Variants in C16orf74 observed in about 807,000 individuals in gnomAD.
C16orf74 encodes the protein calcimembrin.
In C16orf74, 10 loss-of-function variants were observed where a neutral mutation model predicts 6.5. That is an observed-to-expected ratio of 1.54 (90% CI 0.95 to 2.61). The LOEUF is 2.61. Ranked by LOEUF, C16orf74 falls within the 30% of genes most tolerant of loss-of-function variation. The probability of loss-of-function intolerance (pLI) is 0.00; values close to 1 mark genes in which losing one functional copy is unlikely to be tolerated. For missense variants in C16orf74, 141 were observed against 105.9 expected, an observed-to-expected ratio of 1.33 and a Z score of -1.45; for synonymous variants, 60 against 42.5, an observed-to-expected ratio of 1.41 and a Z score of -1.60.
At chr16:85,744,725 G>C (rs1276551037) in intron 1 of C16orf74, among the ~76,000 whole-genome samples, 1 of 151,380 alleles carries the variant, frequency 6.6e-6, no homozygotes, top group Non-Finnish European at 1.5e-5. Context: ...AGCTACTTGG[G>C]AGGCTGAGGC....
chr16:85,724,192 C>T (rs553497851), intron 2 of C16orf74, among the ~76,000 whole-genome samples: 9 of 152,234 alleles, frequency 5.9e-5, no homozygotes, highest in East Asian at 3.9e-4. Context: ...GCACCTGGCC[C>T]GCTCTGACTT....
At chr16:85,718,249 C>CT (rs1262872347) in intron 2 of C16orf74, among the ~76,000 whole-genome samples, 3 of 151,956 alleles carry the variant, frequency 2.0e-5, no homozygotes, top group Non-Finnish European at 4.4e-5. Context: ...AAGTTTTAAA[C>CT]TTTTTTGTAG....
At position 85,731,521 on chromosome 16, in the gene C16orf74, G is replaced by C. The variant is rs553373483; in HGVS notation, c.28+3669C>G. ...TAGAGCAGAGGGGCAGAGGGCCTGG[G>C]TCCTGGCGGGTCCCTCCTCCTGGTG... On this transcript the variant is annotated intron_variant, in intron 2 of 3. Coordinates refer to ENST00000284245, the MANE Select transcript of C16orf74 (RefSeq NM_206967.3). Among the ~76,000 whole-genome samples, 9 of 152,296 alleles carry C rather than the reference G, an allele frequency of 5.9e-5. No homozygotes were observed. The South Asian group carries it at 1.5e-3, about 25-fold the overall frequency.
At chr16:85,731,877 G>T (rs182500803) in intron 2 of C16orf74, among the ~76,000 whole-genome samples, 2 of 152,280 alleles carry the variant, frequency 1.3e-5, no homozygotes, top group African/African-American at 4.8e-5. Context: ...TTTTTGTAGG[G>T]ATGGGGTTTT....
chr16:85,719,335 C>T (rs1313097784), intron 2 of C16orf74, among the ~76,000 whole-genome samples: 1 of 152,132 alleles, frequency 6.6e-6, no homozygotes, highest in Non-Finnish European at 1.5e-5. Context: ...GAATCAGGTC[C>T]CCAAGATTTC....
chr16:85,742,821 G>A (rs149522379), intron 1 of C16orf74, among the ~76,000 whole-genome samples: 132 of 152,286 alleles, frequency 8.7e-4, no homozygotes, highest in African/African-American at 2.9e-3. Flanking sequence ...GATTACAGGC[G>A]TGAGCCACGG....
intron 2 of C16orf74, among the ~76,000 whole-genome samples, chr16:85,724,267 C>T (rs932992496): frequency 6.6e-6 from 1 of 152,226 alleles, no homozygotes; most frequent in East Asian, 1.9e-4. Context: ...AGCACCTCCC[C>T]ATCCCTCTGT....
chr16:85,738,167 C>A (rs1304918492), intron 1 of C16orf74, among the ~76,000 whole-genome samples: 2 of 151,652 alleles, frequency 1.3e-5, no homozygotes. Flanking sequence ...ATCACTTGAG[C>A]CCAGGAGGTT....
At chr16:85,734,669 T>C (rs766415299) in intron 2 of C16orf74, among the ~76,000 whole-genome samples, 2 of 152,180 alleles carry the variant, frequency 1.3e-5, no homozygotes, top group Admixed American at 6.5e-5. Context: ...TCCTGCAACA[T>C]TGGTCTGAGG....
intron 2 of C16orf74, among the ~76,000 whole-genome samples, chr16:85,731,446 C>G (rs1405888523): frequency 1.3e-5 from 2 of 152,130 alleles, no homozygotes; most frequent in African/African-American, 4.8e-5. Context: ...ACAGGAGGGT[C>G]ACCTGGAAAC....
At chr16:85,725,710 C>G (rs2054125977) in intron 2 of C16orf74, among the ~76,000 whole-genome samples, 1 of 152,140 alleles carries the variant, frequency 6.6e-6, no homozygotes, top group African/African-American at 2.4e-5. Flanking sequence ...CTCAAGCAAT[C>G]CTCACACCTC....
At chr16:85,716,873 C>G (rs1214690882) in intron 2 of C16orf74, among the ~76,000 whole-genome samples, 2 of 152,164 alleles carry the variant, frequency 1.3e-5, no homozygotes, top group African/African-American at 2.4e-5. Context: ...CTGCCCCAGA[C>G]AAGGAGCTCA....
chr16:85,720,323 A>T (rs1055579888), intron 2 of C16orf74, among the ~76,000 whole-genome samples: 1 of 152,206 alleles, frequency 6.6e-6, no homozygotes, highest in African/African-American at 2.4e-5. Flanking sequence ...TGCCCAGCCA[A>T]ACCACATTCC....
intron 1 of C16orf74, among the ~76,000 whole-genome samples, chr16:85,739,697 G>C (rs1161584127): frequency 6.6e-6 from 1 of 152,124 alleles, no homozygotes; most frequent in African/African-American, 2.4e-5. Context: ...CTACTCAGGA[G>C]ACTGAGGTAG....
intron 1 of C16orf74, among the ~76,000 whole-genome samples, chr16:85,735,807 G>A (rs1056022592): frequency 6.6e-6 from 1 of 152,028 alleles, no homozygotes; most frequent in Non-Finnish European, 1.5e-5. Flanking sequence ...TGATGTTCCT[G>A]CAACATGAGG....
intron 2 of C16orf74, among the ~76,000 whole-genome samples, chr16:85,715,771 C>T (rs2054017343): frequency 6.6e-6 from 1 of 152,182 alleles, no homozygotes; most frequent in South Asian, 2.1e-4. Context: ...GAGCTGAGAT[C>T]TAGGACACAC....
chr16:85,745,260 C>A (rs75486406), intron 1 of C16orf74, among the ~76,000 whole-genome samples: 6,423 of 152,064 alleles, frequency 0.042, 356 homozygotes, highest in Admixed American at 0.17. Flanking sequence ...CAGAGGTCCA[C>A]CCCCTCCTGA....
intron 2 of C16orf74, among the ~76,000 whole-genome samples, chr16:85,725,093 G>A (rs141700276): frequency 1.4e-4 from 22 of 152,304 alleles, no homozygotes; most frequent in Admixed American, 4.6e-4. Flanking sequence ...AGTCCCTGCT[G>A]TAAGCCAGGA....
At chr16:85,739,143 TG>T (rs1447532440) in intron 1 of C16orf74, among the ~76,000 whole-genome samples, 2 of 130,664 alleles carry the variant, frequency 1.5e-5, no homozygotes, top group Non-Finnish European at 3.2e-5. Context: ...CAAGGGGTCC[TG>T]CAGCCCTGAC....
Sources: gnomAD v4.1 joint callset for allele counts (sites outside exome capture counted in the v4.1 genomes callset) on GRCh38, gnomAD v4.1.1 for gene constraint, MANE v1.5 for transcripts, NCBI Gene and HGNC (gene_info 2026-07-23, HGNC 2026-07-21) for gene names.